WBP4: variants seen among roughly 807,000 people sequenced by gnomAD.
The protein encoded by WBP4 is WW domain-binding protein 4.
WBP4 carries 37 observed loss-of-function variants against 55.4 expected under a neutral mutation model. The ratio of observed to expected loss-of-function variants is 0.67; its 90% CI spans 0.51 to 0.88. The LOEUF (loss-of-function observed/expected upper bound fraction) is 0.88. WBP4 is among the 40% of genes least tolerant of loss of function. The pLI is 0.00. For synonymous variants in WBP4, 142 were observed against 140.2 expected (o/e 1.01, Z -0.09); for missense variants, 398 against 420.8 (o/e 0.95, Z 0.47).
chr13:41,062,012 C>G, intron 1 of WBP4: 3 of 977,886 alleles, frequency 3.1e-6, no homozygotes, highest in Non-Finnish European at 3.6e-6. Flanking sequence ...TCCGAAGCCC[C>G]TGAACCCTAG....
intron 7 of WBP4, among the ~76,000 whole-genome samples, chr13:41,074,954 CAAAT>C (rs1264653473): frequency 2.0e-5 from 3 of 151,970 alleles, no homozygotes; most frequent in East Asian, 3.9e-4. Flanking sequence ...GAGATCACGC[CAAAT>C]AAATAAATAA....
At chr13:41,074,322 A>G (rs1437571947) in intron 7 of WBP4, among the ~76,000 whole-genome samples, 1 of 152,126 alleles carries the variant, frequency 6.6e-6, no homozygotes, top group African/African-American at 2.4e-5. Flanking sequence ...ACTTTAGGAG[A>G]GGCTTGTTTT....
chr13:41,080,797 A>G lies in WBP4; in HGVS notation c.908A>G (p.Glu303Gly). 1 of 1,606,432 alleles carries G rather than the reference A, an allele frequency of 6.2e-7. No individual in the cohort carries two copies. Among genetic ancestry groups the G allele is most frequent in the Non-Finnish European group, 8.5e-7 (1 of 1,178,406 alleles). Residue 303 changes from glutamate (E) to glycine (G), a missense_variant, in exon 9 of 10, where the codon GAG (glutamate) becomes GGG (glycine). Transcript: ENST00000379487. The stretch of plus-strand genomic sequence containing the variant: ...GGAGAATGGCAAGAAATTAAACAAG[A>G]GGTTGAGTCTCAGTAAGTACCTGGA... Reference protein sequence around the residue: ...PYGEWQEIKQEVESHEEVDLE... With the variant: ...PYGEWQEIKQGVESHEEVDLE...
Position 41,061,516 on chromosome 13 carries a change from G to T in WBP4, c.-158G>T. 1 of 1,167,672 alleles carries T rather than the reference G, an allele frequency of 8.6e-7. No homozygotes were observed. The highest frequency in any genetic ancestry group is 2.4e-5 in the East Asian group (1 of 41,054). The allele number at this position is 1,167,672 out of a possible 1,614,324, so 72.3% of individuals were successfully genotyped here. Reference sequence around the variant, plus strand: ...TGGATCGTCTGGGCACCCGTAGTTGGGAACAGCGGAACGCTGGTCCCGGGG... The same window carrying T: ...TGGATCGTCTGGGCACCCGTAGTTGTGAACAGCGGAACGCTGGTCCCGGGG... On this transcript the variant is annotated 5_prime_UTR_variant, in exon 1 of 10. Coordinates refer to ENST00000379487, the MANE Select transcript of WBP4 (RefSeq NM_007187.5).
In WBP4 at chr13:41,068,628, G is replaced by A. The variant is rs559398773; in HGVS notation, c.330G>A (p.Gln110=). 5 of 1,611,528 alleles carry A rather than the reference G, an allele frequency of 3.1e-6. No homozygotes were observed. In the African/African-American group the frequency reaches 6.7e-5, roughly 22 times the overall value. Reference sequence around the variant, plus strand: ...CACCTACCTCGACATCAAATCAACAGAAAGAAAAGAAAGAAAAGAAGAAAA... The same window carrying A: ...CACCTACCTCGACATCAAATCAACAAAAAGAAAAGAAAGAAAAGAAGAAAA... The part of the protein sequence containing the change: ...TIPPTSTSNQ[Q]KEKKEKKKRK... The change falls in exon 5 of 10, where the codon CAG becomes CAA. Residue 110 remains glutamine, a synonymous_variant. Coordinates refer to ENST00000379487, the MANE Select transcript of WBP4 (RefSeq NM_007187.5).
chr13:41,075,388 T>C (rs1374167329), intron 7 of WBP4, among the ~76,000 whole-genome samples: 1 of 152,152 alleles, frequency 6.6e-6, no homozygotes, highest in African/African-American at 2.4e-5. Flanking sequence ...GAATTTTTTC[T>C]TTTTTTAAAT....
At chr13:41,064,327 C>T (rs1877846328) in intron 2 of WBP4, among the ~76,000 whole-genome samples, 1 of 152,084 alleles carries the variant, frequency 6.6e-6, no homozygotes, top group African/African-American at 2.4e-5. Context: ...ATTGTTATTG[C>T]AAACAGTGCT....
intron 4 of WBP4, 76 bp from the exon 5 acceptor site, chr13:41,068,485 A>G (rs993579056): frequency 1.5e-6 from 2 of 1,356,494 alleles, no homozygotes; most frequent in African/African-American, 1.5e-5. Context: ...GATTGGAATA[A>G]CATTAATGTT....
intron 8 of WBP4, among the ~76,000 whole-genome samples, chr13:41,076,957 C>G (rs1386601733): frequency 9.9e-5 from 15 of 152,080 alleles, no homozygotes; most frequent in Admixed American, 7.9e-4. Context: ...ATCCAGTATC[C>G]AACTTAGGAT....
chr13:41,067,110 C>T (rs893485973), intron 4 of WBP4, among the ~76,000 whole-genome samples: 10 of 152,220 alleles, frequency 6.6e-5, no homozygotes, highest in African/African-American at 1.9e-4. Flanking sequence ...CACCTCAGCT[C>T]GTCACCAGTC....
chr13:41,067,989 A>G (rs1290963468), intron 4 of WBP4, among the ~76,000 whole-genome samples: 1 of 152,130 alleles, frequency 6.6e-6, no homozygotes, highest in Non-Finnish European at 1.5e-5. Context: ...TTTTTCCCAA[A>G]TAATTAATCA....
intron 4 of WBP4, among the ~76,000 whole-genome samples, chr13:41,066,151 A>C (rs1030003881): frequency 2.0e-5 from 3 of 152,206 alleles, no homozygotes; most frequent in Non-Finnish European, 4.4e-5. Flanking sequence ...TTGAAAGGAA[A>C]AAGGATTTAG....
intron 8 of WBP4, 101 bp from the exon 9 acceptor site, chr13:41,080,545 T>G: frequency 1.1e-6 from 1 of 871,304 alleles, no homozygotes; most frequent in South Asian, 1.9e-5. Context: ...TAGTGAATTA[T>G]TGTTTATAAA....
intron 4 of WBP4, among the ~76,000 whole-genome samples, chr13:41,066,246 G>A (rs1193778784): frequency 6.6e-6 from 1 of 152,080 alleles, no homozygotes; most frequent in African/African-American, 2.4e-5. Flanking sequence ...TGCCCTTTGA[G>A]CAAATAAATT....
In WBP4 at chr13:41,062,749, A is replaced by G. The variant is rs200518478; in HGVS notation, c.75+33A>G. On this transcript the variant is annotated intron_variant, in intron 2 of 9. Coordinates refer to ENST00000379487, the MANE Select transcript of WBP4 (RefSeq NM_007187.5). ...AATTCCGCTGTTAGAGATTCTAATA[A>G]TAATTGTGTTGAATGAAGTGCTCCT... 8.3e-4 allele frequency: 1,308 copies of G among 1,579,234 alleles called. 5 individuals carry two copies. Among genetic ancestry groups the G allele is most frequent in the Non-Finnish European group, 1.1e-3 (1,226 of 1,155,608 alleles).
chr13:41,065,141 A>G, intron 3 of WBP4, 23 bp from the exon 4 acceptor site: 2 of 1,603,680 alleles, frequency 1.2e-6, no homozygotes, highest in Non-Finnish European at 1.7e-6. Flanking sequence ...TCTCACTTTC[A>G]CTGTTATGTA....
At chr13:41,071,419 A>G in intron 5 of WBP4, 108 bp from the exon 6 acceptor site, 1 of 800,496 alleles carries the variant, frequency 1.2e-6, no homozygotes, top group Non-Finnish European at 2.0e-6. Flanking sequence ...TTTAAATTGT[A>G]GACCTGTAGT....
At chr13:41,067,673 A>C (rs1433705841) in intron 4 of WBP4, among the ~76,000 whole-genome samples, 6 of 152,286 alleles carry the variant, frequency 3.9e-5, no homozygotes, top group Non-Finnish European at 7.3e-5. Flanking sequence ...TGGACAACAT[A>C]AGAGAAAAAA....
intron 8 of WBP4, among the ~76,000 whole-genome samples, chr13:41,079,534 T>C (rs1235381289): frequency 8.2e-5 from 8 of 97,368 alleles, no homozygotes; most frequent in African/African-American, 2.9e-4. Context: ...AGAGCAAGAC[T>C]CCGTCTCAAA....
Sources: allele counts gnomAD v4.1 joint callset (sites outside exome capture counted in the v4.1 genomes callset), GRCh38; gene constraint gnomAD v4.1.1; transcripts MANE v1.5; gene names NCBI Gene and HGNC (gene_info 2026-07-23, HGNC 2026-07-21).